ANKRD42: variants seen among roughly 807,000 people sequenced by gnomAD.
ANKRD42 encodes ankyrin repeat domain 42.
ANKRD42 carries 43 observed loss-of-function variants against 51.5 expected under a neutral mutation model. The observed-to-expected ratio is 0.83, with a 90% CI of 0.65 to 1.08. The LOEUF (loss-of-function observed/expected upper bound fraction) is 1.08. Ranked by LOEUF, ANKRD42 falls within the 50% of genes least tolerant of loss-of-function variation. The pLI, the probability that ANKRD42 is intolerant of heterozygous loss-of-function variation, is 0.00. For missense variants in ANKRD42, 608 were observed against 629.3 expected (o/e 0.97, Z 0.36); for synonymous variants, 203 against 213.0 (o/e 0.95, Z 0.41).
chr11:83,225,085 A>G (rs767723463), intron 6 of ANKRD42, 30 bp downstream of exon 6: 5 of 1,562,390 alleles, frequency 3.2e-6, no homozygotes, highest in African/African-American at 1.4e-5. Context: ...GTTCTAGCAT[A>G]TAATGTGATG....
intron 8 of ANKRD42, among the ~76,000 whole-genome samples, chr11:83,239,332 T>C (rs983358966): frequency 2.0e-5 from 3 of 152,200 alleles, no homozygotes; most frequent in Non-Finnish European, 4.4e-5. Context: ...TTTTCAGATA[T>C]ATACTTTGCA....
chr11:83,196,029 T>A (rs1250267873), intron 1 of ANKRD42, among the ~76,000 whole-genome samples: 1 of 152,082 alleles, frequency 6.6e-6, no homozygotes, highest in Non-Finnish European at 1.5e-5. Flanking sequence ...GTATTTTTAG[T>A]AGAAACGGAG....
At chr11:83,201,943 G>C (rs1861886704) in intron 2 of ANKRD42, among the ~76,000 whole-genome samples, 1 of 152,072 alleles carries the variant, frequency 6.6e-6, no homozygotes, top group Non-Finnish European at 1.5e-5. Context: ...TCTGTAGGTT[G>C]CCTGTTCACT....
intron 1 of ANKRD42, among the ~76,000 whole-genome samples, chr11:83,195,292 A>G (rs549215702): frequency 6.6e-6 from 1 of 152,316 alleles, no homozygotes; most frequent in Admixed American, 6.5e-5. Flanking sequence ...CGTCTTAAGG[A>G]ACTTAAGAAG....
chr11:83,227,988 C>A, intron 7 of ANKRD42, 116 bp downstream of exon 7: 2 of 1,196,138 alleles, frequency 1.7e-6, no homozygotes, highest in Non-Finnish European at 2.3e-6. Context: ...GATACCCTAG[C>A]AGATATCAGT....
rs1482309357 is a variant in ANKRD42, at chr11:83,194,650, C to T, written c.-21C>T. Reference sequence around the variant, plus strand: ...CAGGGGCCTGGACTCAACTCCTCCCCAGAGTCGGAGGTGTTGCGCCATGCC... The same window carrying T: ...CAGGGGCCTGGACTCAACTCCTCCCTAGAGTCGGAGGTGTTGCGCCATGCC... On this transcript the variant is annotated 5_prime_UTR_variant, in exon 1 of 11. Coordinates refer to ENST00000533342, the MANE Select transcript of ANKRD42 (RefSeq NM_001300975.2). 9 of 1,613,504 alleles carry T rather than the reference C, an allele frequency of 5.6e-6. No individual in the cohort carries two copies. Among genetic ancestry groups the T allele is most frequent in the Non-Finnish European group, 7.6e-6 (9 of 1,179,742 alleles).
intron 3 of ANKRD42, among the ~76,000 whole-genome samples, chr11:83,207,069 T>G (rs1862104372): frequency 6.6e-6 from 1 of 152,118 alleles, no homozygotes; most frequent in Non-Finnish European, 1.5e-5. Context: ...CTCAGGAAAC[T>G]TACAATCATG....
At chr11:83,244,872 G>C (rs1290698350) in intron 9 of ANKRD42, among the ~76,000 whole-genome samples, 1 of 151,998 alleles carries the variant, frequency 6.6e-6, no homozygotes. Flanking sequence ...GATTGCACGT[G>C]GTCCTGTAAT....
intron 5 of ANKRD42, among the ~76,000 whole-genome samples, chr11:83,218,598 G>A (rs1325795205): frequency 6.6e-6 from 1 of 152,216 alleles, no homozygotes; most frequent in Non-Finnish European, 1.5e-5. Context: ...GGGCATGCAA[G>A]TAAATGGGCC....
At chr11:83,253,896 T>C (rs1478682279), downstream of ANKRD42, among the ~76,000 whole-genome samples, 4 of 152,118 alleles carry the variant, frequency 2.6e-5, no homozygotes, top group Non-Finnish European at 5.9e-5. Context: ...TATTTGGTGT[T>C]AGGAGGGACT....
chr11:83,244,126 A>G (rs1489841085), intron 9 of ANKRD42, among the ~76,000 whole-genome samples: 1 of 151,676 alleles, frequency 6.6e-6, no homozygotes, highest in African/African-American at 2.4e-5. Context: ...GATTACAGGC[A>G]TGTGCCACCA....
chr11:83,196,398 AGTGTGTGTGTGT>A (rs145815586), intron 1 of ANKRD42, among the ~76,000 whole-genome samples: 2 of 124,748 alleles, frequency 1.6e-5, no homozygotes, highest in African/African-American at 3.8e-5. Flanking sequence ...AGTGTGTGAG[AGTGTGTGTGTGT>A]GTGTGTGTGT....
At chr11:83,247,240 T>G (rs890387321) in intron 10 of ANKRD42, among the ~76,000 whole-genome samples, 1 of 152,102 alleles carries the variant, frequency 6.6e-6, no homozygotes, top group African/African-American at 2.4e-5. Flanking sequence ...CTTTTTTTTT[T>G]GTATTTTTAG....
chr11:83,230,796 T>C (rs583834), intron 7 of ANKRD42, among the ~76,000 whole-genome samples: 108,364 of 152,012 alleles, frequency 0.71, 39,388 homozygotes, highest in African/African-American at 0.84. Flanking sequence ...CTGTGTTAGC[T>C]AGGATGGTCT....
At chr11:83,232,064 C>G (rs1273421910) in intron 7 of ANKRD42, among the ~76,000 whole-genome samples, 2 of 147,218 alleles carry the variant, frequency 1.4e-5, no homozygotes, top group Admixed American at 6.8e-5. Flanking sequence ...ATAGCTTTGG[C>G]TACTCTGGGT....
At chr11:83,213,059 A>T (rs1862389026) in intron 5 of ANKRD42, 7 of 1,600,174 alleles carry the variant, frequency 4.4e-6, no homozygotes, top group Non-Finnish European at 4.2e-6. Context: ...GAGAACTAAG[A>T]AGTTCTTCCG....
intron 5 of ANKRD42, chr11:83,213,449 T>C: frequency 6.9e-7 from 1 of 1,438,862 alleles, no homozygotes; most frequent in Non-Finnish European, 9.1e-7. Flanking sequence ...CTGTAAAAAC[T>C]GCAAAGAAAA....
chr11:83,216,514 C>CG (rs533782531), intron 5 of ANKRD42, among the ~76,000 whole-genome samples: 221 of 151,856 alleles, frequency 1.5e-3, no homozygotes, highest in African/African-American at 5.1e-3. Flanking sequence ...TTAGTAGAGA[C>CG]GGGGTTTCAC....
chr11:83,216,623 C>T (rs369803084), intron 5 of ANKRD42, among the ~76,000 whole-genome samples: 1 of 152,330 alleles, frequency 6.6e-6, no homozygotes, highest in Admixed American at 6.5e-5. Flanking sequence ...CGCGCCCGGC[C>T]CCTTTACCAT....
Sources: allele counts gnomAD v4.1 joint callset (sites outside exome capture counted in the v4.1 genomes callset), GRCh38; gene constraint gnomAD v4.1.1; transcripts MANE v1.5; gene names NCBI Gene and HGNC (gene_info 2026-07-23, HGNC 2026-07-21).